INPP4B: variants seen among roughly 807,000 people sequenced by gnomAD.
INPP4B encodes the protein inositol polyphosphate 4-phosphatase type II.
INPP4B carries 55 observed loss-of-function variants against 122.5 expected under a neutral mutation model. That is an observed-to-expected ratio of 0.45 (90% CI 0.36 to 0.56). The LOEUF is 0.56. Among genes scored for constraint, INPP4B ranks in the 20% least tolerant of loss-of-function variants. The pLI is 0.00. For synonymous variants in INPP4B, 403 were observed against 388.7 expected, an observed-to-expected ratio of 1.04 and a Z score of -0.43; for missense variants, 1,000 against 1,097.7, an observed-to-expected ratio of 0.91 and a Z score of 1.26.
intron 17 of INPP4B, among the ~76,000 whole-genome samples, chr4:142,152,066 C>CTTTTTTTTTTTTTTTTTTTTTTTT (rs572092121): frequency 1.6e-4 from 11 of 69,950 alleles, no homozygotes; most frequent in African/African-American, 6.1e-4. Flanking sequence ...TTTGTCTTTT[C>CTTTTTTTTTTTTTTTTTTTTTTTT]TTTTTTTTTT....
At chr4:142,699,863 C>T (rs1298681220) in intron 2 of INPP4B, among the ~76,000 whole-genome samples, 1 of 152,104 alleles carries the variant, frequency 6.6e-6, no homozygotes, top group Non-Finnish European at 1.5e-5. Flanking sequence ...TTGTCTAAAA[C>T]TAACTCCAAT....
intron 7 of INPP4B, among the ~76,000 whole-genome samples, chr4:142,335,581 T>C (rs548343378): frequency 6.6e-6 from 1 of 152,326 alleles, no homozygotes; most frequent in South Asian, 2.1e-4. Flanking sequence ...TCCTGTTAAA[T>C]TACTTACAGC....
intron 3 of INPP4B, among the ~76,000 whole-genome samples, chr4:142,445,181 TA>T (rs1022097208): frequency 1.3e-5 from 2 of 149,250 alleles, no homozygotes; most frequent in African/African-American, 4.9e-5. Flanking sequence ...TAAATTATAA[TA>T]AAAAAAGAAA....
intron 1 of INPP4B, among the ~76,000 whole-genome samples, chr4:142,732,222 G>A (rs1280469479): frequency 2.0e-5 from 3 of 152,096 alleles, no homozygotes; most frequent in African/African-American, 7.2e-5. Flanking sequence ...TGAAGACAGA[G>A]AAGAGGCAAT....
chr4:142,162,979 T>C (rs1820857448), intron 16 of INPP4B, among the ~76,000 whole-genome samples: 1 of 151,900 alleles, frequency 6.6e-6, no homozygotes, highest in Non-Finnish European at 1.5e-5. Flanking sequence ...CCATGTAACC[T>C]GAAAAAAATT....
intron 1 of INPP4B, among the ~76,000 whole-genome samples, chr4:142,818,218 C>T (rs1385916233): frequency 2.0e-5 from 3 of 152,172 alleles, no homozygotes; most frequent in Non-Finnish European, 2.9e-5. Context: ...GTCCCCCCTA[C>T]TCCCCTGCCC....
chr4:142,303,095 A>C (rs1762086485), intron 9 of INPP4B, among the ~76,000 whole-genome samples: 1 of 152,150 alleles, frequency 6.6e-6, no homozygotes, highest in African/African-American at 2.4e-5. Context: ...TTAGATGCAC[A>C]TGTCTTGTTC....
chr4:142,565,068 A>C (rs1731335757), intron 2 of INPP4B, among the ~76,000 whole-genome samples: 1 of 151,352 alleles, frequency 6.6e-6, no homozygotes, highest in Non-Finnish European at 1.5e-5. Context: ...ACAGTTCCTC[A>C]GTCTTTCTTT....
At chr4:142,242,947 T>C (rs779311382) in intron 11 of INPP4B, among the ~76,000 whole-genome samples, 11 of 152,134 alleles carry the variant, frequency 7.2e-5, no homozygotes, top group Non-Finnish European at 1.5e-4. Context: ...GCACTTACCA[T>C]AATGCCCAGT....
chr4:142,612,978 G>C (rs927239292), intron 2 of INPP4B, among the ~76,000 whole-genome samples: 2 of 152,168 alleles, frequency 1.3e-5, no homozygotes, highest in Non-Finnish European at 2.9e-5. Context: ...CAGAAATAAT[G>C]TAAGTGCCAT....
chr4:142,555,565 A>C (rs1382277474), intron 2 of INPP4B, among the ~76,000 whole-genome samples: 1 of 152,112 alleles, frequency 6.6e-6, no homozygotes, highest in Non-Finnish European at 1.5e-5. Flanking sequence ...GAAACTGGTT[A>C]AAAAAATTTA....
intron 3 of INPP4B, among the ~76,000 whole-genome samples, chr4:142,437,668 A>G (rs1463796307): frequency 6.6e-6 from 1 of 152,132 alleles, no homozygotes; most frequent in African/African-American, 2.4e-5. Context: ...TAAGCTTCAC[A>G]AGCTTAGTTT....
At position 142,319,890 on chromosome 4, in the gene INPP4B, G is replaced by A. The variant is rs72941138; in HGVS notation, c.373-5128C>T. 1.5e-3 allele frequency among the ~76,000 whole-genome samples: 232 copies of A among 152,272 alleles called. 1 individual carries two copies. The highest frequency in any genetic ancestry group is 5.1e-3 in the African/African-American group (213 of 41,564). ...AAACAACATCCATTTATTTGTTCAC[G>A]GCTCTGTAGGTTAGAAGTCCAGGCA... On this transcript the variant is annotated intron_variant, in intron 7 of 25. Coordinates refer to ENST00000262992, the MANE Select transcript of INPP4B (RefSeq NM_001101669.3).
chr4:142,665,429 G>C lies in INPP4B; in HGVS notation c.-191+60410C>G, dbSNP rs181657476. 8.6e-3 allele frequency among the ~76,000 whole-genome samples: 1,269 copies of C among 148,282 alleles called. 22 individuals are homozygous for C. The highest frequency in any genetic ancestry group is 0.03 in the African/African-American group (1,203 of 40,408). On this transcript the variant is annotated intron_variant, in intron 2 of 25. Coordinates refer to ENST00000262992, the MANE Select transcript of INPP4B (RefSeq NM_001101669.3). Reference sequence around the variant, plus strand: ...GAATGGCGTGAACCTGGGAGGCAGAGCTTGCAGTGAGCCGAGATCATGCCA... The same window carrying C: ...GAATGGCGTGAACCTGGGAGGCAGACCTTGCAGTGAGCCGAGATCATGCCA...
At chr4:142,466,084 A>T (rs528047695) in intron 2 of INPP4B, among the ~76,000 whole-genome samples, 1 of 152,298 alleles carries the variant, frequency 6.6e-6, no homozygotes, top group East Asian at 1.9e-4. Flanking sequence ...ATGGGGTGTT[A>T]CTATAGAGAT....
chr4:142,607,932 T>C (rs191413591), intron 2 of INPP4B, among the ~76,000 whole-genome samples: 3 of 152,204 alleles, frequency 2.0e-5, no homozygotes, highest in Admixed American at 2.0e-4. Context: ...CAAATGGCAA[T>C]AGCTTCCTCT....
intron 2 of INPP4B, among the ~76,000 whole-genome samples, chr4:142,523,651 T>C (rs905429507): frequency 6.6e-6 from 1 of 152,036 alleles, no homozygotes; most frequent in Non-Finnish European, 1.5e-5. Flanking sequence ...TAAAAGTATG[T>C]ATTATTTTTT....
At chr4:142,245,352 T>C (rs923956684) in intron 11 of INPP4B, among the ~76,000 whole-genome samples, 1 of 152,198 alleles carries the variant, frequency 6.6e-6, no homozygotes, top group Non-Finnish European at 1.5e-5. Flanking sequence ...TTTTAGGTCT[T>C]ATGTTTAAGT....
intron 2 of INPP4B, among the ~76,000 whole-genome samples, chr4:142,697,596 G>A (rs866982162): frequency 4.6e-5 from 7 of 152,180 alleles, no homozygotes; most frequent in Non-Finnish European, 7.4e-5. Flanking sequence ...ATGATTAAAC[G>A]ATAGGAACTT....
Sources: allele counts gnomAD v4.1 joint callset (sites outside exome capture counted in the v4.1 genomes callset), GRCh38; gene constraint gnomAD v4.1.1; transcripts MANE v1.5; gene names NCBI Gene and HGNC (gene_info 2026-07-23, HGNC 2026-07-21).